Variants in TSPAN18 observed in about 807,000 individuals in gnomAD.
The protein encoded by TSPAN18 is tetraspanin 18, also known as tetraspanin-18.
TSPAN18 carries 14 observed loss-of-function variants against 27.3 expected under a neutral mutation model. The ratio of observed to expected loss-of-function variants is 0.51; its 90% CI spans 0.34 to 0.80. The LOEUF (loss-of-function observed/expected upper bound fraction) is 0.80, where lower values mean the gene tolerates loss of function less well. Ranked by LOEUF, TSPAN18 falls within the 30% of genes least tolerant of loss-of-function variation. The probability of loss-of-function intolerance (pLI) is 0.01; values close to 1 mark genes in which losing one functional copy is unlikely to be tolerated. For missense variants in TSPAN18, 268 were observed against 323.9 expected (o/e 0.83, Z 1.32); for synonymous variants, 143 against 136.5 (o/e 1.05, Z -0.33).
chr11:44,802,990 C>T (rs1856515900), intron 2 of TSPAN18, among the ~76,000 whole-genome samples: 1 of 152,078 alleles, frequency 6.6e-6, no homozygotes, highest in Non-Finnish European at 1.5e-5. Context: ...GCATGGGGCA[C>T]AAGTGAGTCT....
intron 1 of TSPAN18, among the ~76,000 whole-genome samples, chr11:44,743,989 A>C (rs949567296): frequency 6.6e-6 from 1 of 152,156 alleles, no homozygotes; most frequent in Non-Finnish European, 1.5e-5. Context: ...AATTTCCAGT[A>C]TGAGTGAGGG....
chr11:44,888,728 G>C (rs1858744404), intron 3 of TSPAN18, among the ~76,000 whole-genome samples: 1 of 152,176 alleles, frequency 6.6e-6, no homozygotes, highest in Admixed American at 6.5e-5. Context: ...AGTCTCCTGA[G>C]CTGTAGAATT....
intron 3 of TSPAN18, among the ~76,000 whole-genome samples, chr11:44,866,060 C>T (rs1397140795): frequency 2.0e-5 from 3 of 152,240 alleles, no homozygotes; most frequent in Non-Finnish European, 2.9e-5. Context: ...CTTCTGTGAC[C>T]CCGGCAGCAC....
intron 2 of TSPAN18, among the ~76,000 whole-genome samples, chr11:44,811,177 C>T (rs1856708435): frequency 6.7e-6 from 1 of 149,732 alleles, no homozygotes; most frequent in Non-Finnish European, 1.5e-5. Context: ...CACACACACC[C>T]CTGCCTGTGC....
chr11:44,781,021 G>T (rs566685795), intron 2 of TSPAN18, among the ~76,000 whole-genome samples: 37 of 152,348 alleles, frequency 2.4e-4, no homozygotes, highest in African/African-American at 8.7e-4. Context: ...AAGCGGTTGC[G>T]AAAGGACTGG....
intron 3 of TSPAN18, among the ~76,000 whole-genome samples, chr11:44,897,320 T>A (rs1859095217): frequency 6.6e-6 from 1 of 152,064 alleles, no homozygotes; most frequent in Non-Finnish European, 1.5e-5. Flanking sequence ...GGAGTCTGGG[T>A]TTTGGGGGAG....
chr11:44,755,262 G>C (rs1855305545), intron 1 of TSPAN18, among the ~76,000 whole-genome samples: 1 of 152,136 alleles, frequency 6.6e-6, no homozygotes, highest in South Asian at 2.1e-4. Context: ...GTCAAGTACA[G>C]TAAGGAACAG....
intron 2 of TSPAN18, among the ~76,000 whole-genome samples, chr11:44,799,933 C>T (rs1237997277): frequency 4.6e-5 from 7 of 151,676 alleles, no homozygotes; most frequent in Admixed American, 6.6e-5. Context: ...TGGGTTCAAG[C>T]GATTCTTGTG....
chr11:44,760,861 A>G (rs2134883298), intron 1 of TSPAN18, among the ~76,000 whole-genome samples: 1 of 152,276 alleles, frequency 6.6e-6, no homozygotes, highest in African/African-American at 2.4e-5. Context: ...GTGATATCAT[A>G]GTTAATTTAA....
At chr11:44,756,543 A>G (rs1162946313) in intron 1 of TSPAN18, among the ~76,000 whole-genome samples, 3 of 152,146 alleles carry the variant, frequency 2.0e-5, no homozygotes, top group Non-Finnish European at 2.9e-5. Context: ...TGGAAAATCT[A>G]TATCCATTAA....
intron 3 of TSPAN18, among the ~76,000 whole-genome samples, chr11:44,868,406 G>A (rs1190827492): frequency 1.3e-5 from 2 of 152,176 alleles, no homozygotes; most frequent in Non-Finnish European, 2.9e-5. Context: ...AGGAGACCAG[G>A]AGAGGATCCT....
At chr11:44,836,269 C>T (rs1590554416) in intron 2 of TSPAN18, among the ~76,000 whole-genome samples, 1 of 152,306 alleles carries the variant, frequency 6.6e-6, no homozygotes, top group African/African-American at 2.4e-5. Flanking sequence ...AGTGAACACA[C>T]AGATGCTGAT....
rs547013911 is a variant in TSPAN18 at position 44,907,166 on chromosome 11, C to T, written c.63+687C>T. On this transcript the variant is annotated intron_variant, in intron 4 of 9. Coordinates refer to ENST00000520358, the MANE Select transcript of TSPAN18 (RefSeq NM_130783.5). ...GGACAGCCCCGGACATTCAGGTGGC[C>T]GGCCCACCTGCTGGCGGCCCACCCA... 9.1e-4 allele frequency among the ~76,000 whole-genome samples: 139 copies of T among 152,188 alleles called. 1 individual carries two copies. In the South Asian group the frequency reaches 0.021, roughly 23 times the overall value.
At chr11:44,787,310 A>T (rs935119151) in intron 2 of TSPAN18, among the ~76,000 whole-genome samples, 4 of 152,190 alleles carry the variant, frequency 2.6e-5, no homozygotes, top group African/African-American at 9.6e-5. Flanking sequence ...GAGGAGAATT[A>T]ATTCTTATGT....
chr11:44,917,931 G>C (rs1859973543), intron 5 of TSPAN18, 41 bp from the exon 6 acceptor site: 2 of 1,607,294 alleles, frequency 1.2e-6, no homozygotes, highest in African/African-American at 2.7e-5. Context: ...CCCATCCCCT[G>C]CCTGCCCTCT....
At chr11:44,841,965 T>C (rs1232547557) in intron 2 of TSPAN18, among the ~76,000 whole-genome samples, 1 of 152,230 alleles carries the variant, frequency 6.6e-6, no homozygotes, top group Non-Finnish European at 1.5e-5. Flanking sequence ...TCATCAACAG[T>C]TATGATTGGA....
chr11:44,913,371 C>G (rs1214420852), intron 5 of TSPAN18, among the ~76,000 whole-genome samples: 3 of 152,188 alleles, frequency 2.0e-5, no homozygotes, highest in East Asian at 3.8e-4. Flanking sequence ...GGTCCATTTC[C>G]CAAATACTCG....
chr11:44,908,815 G>GA lies in TSPAN18; in HGVS notation c.64-887dup, dbSNP rs767467712. Among the ~76,000 whole-genome samples the GA allele has an allele frequency of 5.2e-5, 6 of 115,254 alleles. No individual in the cohort carries two copies. In the East Asian group the frequency reaches 8.6e-4, roughly 17 times the overall value. The allele number at this position is 115,254 out of a possible 152,430, so 75.6% of individuals were successfully genotyped here. A position where few individuals can be genotyped will look rare whatever the true frequency, so the allele number is the denominator to read the frequency against. ...AGAAAGAAAGAAAGAAAGAAAGAAA[G>GA]AAAGAAAGAAAGAAAAAGAAAAATG... On this transcript the variant is annotated intron_variant, in intron 4 of 9. Coordinates refer to ENST00000520358, the MANE Select transcript of TSPAN18 (RefSeq NM_130783.5).
intron 8 of TSPAN18, among the ~76,000 whole-genome samples, chr11:44,923,760 A>T (rs368659019): frequency 1.2e-4 from 19 of 152,268 alleles, no homozygotes; most frequent in African/African-American, 4.6e-4. Flanking sequence ...AGAGCCCACG[A>T]GGCCCTAGCA....
Sources: gnomAD v4.1 joint callset for allele counts (sites outside exome capture counted in the v4.1 genomes callset) on GRCh38, gnomAD v4.1.1 for gene constraint, MANE v1.5 for transcripts, NCBI Gene and HGNC (gene_info 2026-07-23, HGNC 2026-07-21) for gene names.